Variants in MCM10 observed in about 807,000 individuals in gnomAD.
MCM10 encodes minichromosome maintenance 10 replication initiation factor, also known as protein MCM10 homolog.
In MCM10, 91 loss-of-function variants were observed where a neutral mutation model predicts 109.9. That is an observed-to-expected ratio of 0.83 (90% CI 0.70 to 0.99). The LOEUF is 0.99. MCM10 is among the 50% of genes least tolerant of loss of function. The probability of loss-of-function intolerance (pLI) is 0.00; values close to 1 mark genes in which losing one functional copy is unlikely to be tolerated. For synonymous variants in MCM10, 380 were observed against 387.2 expected (o/e 0.98, Z 0.22); for missense variants, 1,077 against 1,061.2 (o/e 1.01, Z -0.21).
rs78919077 is a variant in MCM10, at chr10:13,169,533, C to A, written c.8-1389C>A. On this transcript the variant is annotated intron_variant, in intron 2 of 19. Coordinates refer to ENST00000378714, the MANE Select transcript of MCM10 (RefSeq NM_018518.5). The stretch of plus-strand genomic sequence containing the variant: ...CAATTCCATTTCTGATAGATATTCC[C>A]AAGAAACACATGTGCGAGAAGACGG... Among the ~76,000 whole-genome samples, 221 of 152,208 alleles carry A rather than the reference C, an allele frequency of 1.5e-3. 4 individuals are homozygous for A. In the East Asian group the frequency reaches 0.036, roughly 25 times the overall value.
chr10:13,185,445 C>T (rs768553726), intron 8 of MCM10, among the ~76,000 whole-genome samples: 8 of 152,126 alleles, frequency 5.3e-5, no homozygotes, highest in Non-Finnish European at 1.2e-4. Context: ...CCATTCAAGG[C>T]AAGAAGTGAA....
intron 1 of MCM10, among the ~76,000 whole-genome samples, chr10:13,163,303 C>T (rs939804966): frequency 6.6e-6 from 1 of 152,144 alleles, no homozygotes; most frequent in Admixed American, 6.5e-5. Context: ...CACCACTGCA[C>T]TCCAGCCCCA....
At chr10:13,198,404 G>A (rs1834451192) in intron 15 of MCM10, among the ~76,000 whole-genome samples, 1 of 151,970 alleles carries the variant, frequency 6.6e-6, no homozygotes, top group Non-Finnish European at 1.5e-5. Flanking sequence ...TAACATAATT[G>A]TCAACATTAT....
At chr10:13,171,297 G>A (rs372152477) in intron 3 of MCM10, 34 bp downstream of exon 3, 3 of 1,531,578 alleles carry the variant, frequency 2.0e-6, no homozygotes, top group Non-Finnish European at 2.6e-6. Flanking sequence ...TATTTCTTTC[G>A]GATAAGTTGG....
chr10:13,195,091 C>G lies in MCM10; in HGVS notation c.1796C>G (p.Ser599Ter). 6.2e-7 allele frequency: 1 copy of G among 1,614,146 alleles called. No homozygotes were observed. Among genetic ancestry groups the G allele is most frequent in the East Asian group, 2.2e-5 (1 of 44,874 alleles). The change falls in exon 14 of 20, where the codon TCA becomes TGA. Residue 599 changes from serine (S) to a stop codon, truncating the protein, a stop_gained. Transcript: ENST00000378714. LOFTEE classifies it high-confidence loss of function. ...GAGAGCCCAGCTGTGCCATCTTCAT[C>G]AAGACAGCCCCCTGCTCAGCCTCCA... ...EVESPAVPSS[S>*]RQPPAQPPRT...
chr10:13,184,335 T>C (rs1388830377), intron 8 of MCM10, among the ~76,000 whole-genome samples: 1 of 152,146 alleles, frequency 6.6e-6, no homozygotes, highest in Non-Finnish European at 1.5e-5. Flanking sequence ...AAGAAAGCAG[T>C]GTTTTATAGT....
intron 16 of MCM10, among the ~76,000 whole-genome samples, chr10:13,200,615 C>T (rs937201433): frequency 6.6e-6 from 1 of 152,238 alleles, no homozygotes; most frequent in African/African-American, 2.4e-5. Flanking sequence ...CCAGGCCCTC[C>T]TGTCTGTGGA....
At chr10:13,183,878 G>C (rs939159168) in intron 8 of MCM10, among the ~76,000 whole-genome samples, 1 of 152,006 alleles carries the variant, frequency 6.6e-6, no homozygotes, top group African/African-American at 2.4e-5. Flanking sequence ...GTGTGTATGT[G>C]ATGGAGTTTC....
intron 8 of MCM10, among the ~76,000 whole-genome samples, chr10:13,183,655 A>C (rs1349048978): frequency 6.6e-6 from 1 of 151,820 alleles, no homozygotes; most frequent in African/African-American, 2.4e-5. Context: ...GGAGTTTTTG[A>C]ACTATTGTAC....
chr10:13,191,624 ACT>A (rs1370727283), intron 11 of MCM10, among the ~76,000 whole-genome samples: 2 of 152,082 alleles, frequency 1.3e-5, no homozygotes, highest in African/African-American at 4.8e-5. Context: ...TACAGCTCAT[ACT>A]CTTAAGTAAT....
chr10:13,189,185 T>A, intron 10 of MCM10, 105 bp downstream of exon 10: 5 of 1,234,698 alleles, frequency 4.0e-6, no homozygotes, highest in Non-Finnish European at 5.7e-6. Context: ...TGTACAGGTT[T>A]TATCTTTCAT....
chr10:13,174,966 T>TA (rs1226394607), intron 5 of MCM10, among the ~76,000 whole-genome samples: 1 of 151,688 alleles, frequency 6.6e-6, no homozygotes, highest in African/African-American at 2.4e-5. Flanking sequence ...CCATCCCTAC[T>TA]AAAAATACAA....
chr10:13,206,206 T>G (rs1397166435), intron 18 of MCM10, among the ~76,000 whole-genome samples: 1 of 152,186 alleles, frequency 6.6e-6, no homozygotes, highest in Non-Finnish European at 1.5e-5. Flanking sequence ...CTCGGCTCTG[T>G]GTTTGTAGGA....
At chr10:13,166,271 A>G (rs746815217) in intron 2 of MCM10, among the ~76,000 whole-genome samples, 1 of 152,146 alleles carries the variant, frequency 6.6e-6, no homozygotes, top group Non-Finnish European at 1.5e-5. Context: ...CAGGAGGGAA[A>G]GCAGAGAAGA....
At chr10:13,177,029 G>A (rs1021740423) in intron 6 of MCM10, among the ~76,000 whole-genome samples, 4 of 152,190 alleles carry the variant, frequency 2.6e-5, no homozygotes, top group African/African-American at 9.7e-5. Context: ...TGAGGGGGCT[G>A]CAGGCTTCCT....
At chr10:13,165,918 G>T (rs892570809) in intron 2 of MCM10, among the ~76,000 whole-genome samples, 3 of 149,104 alleles carry the variant, frequency 2.0e-5, no homozygotes, top group Non-Finnish European at 3.0e-5. Flanking sequence ...ATAATATTTA[G>T]TAAGAAAATC....
chr10:13,180,430 T>G lies in MCM10; in HGVS notation c.765-12T>G. ...AGAATCATAATTACTAATCGCTGGT[T>G]TCTTAACCCAGGCGGCCTCGAGTAT... is the stretch of plus-strand genomic sequence containing the variant. On this transcript the variant is annotated splice_polypyrimidine_tract_variant and intron_variant, in intron 6 of 19. Coordinates refer to ENST00000378714, the MANE Select transcript of MCM10 (RefSeq NM_018518.5). 6.2e-7 allele frequency: 1 copy of G among 1,604,104 alleles called. No homozygotes were observed. Among genetic ancestry groups the G allele is most frequent in the Non-Finnish European group, 8.5e-7 (1 of 1,176,048 alleles).
chr10:13,193,753 A>G (rs1434057474), intron 13 of MCM10, among the ~76,000 whole-genome samples: 1 of 152,108 alleles, frequency 6.6e-6, no homozygotes, highest in Non-Finnish European at 1.5e-5. Flanking sequence ...GTGGACACAG[A>G]AATATGTATG....
chr10:13,209,025 CA>C (rs900164202), intron 18 of MCM10, 65 bp from the exon 19 acceptor site: 2 of 1,119,700 alleles, frequency 1.8e-6, no homozygotes, highest in African/African-American at 3.1e-5. Context: ...GTGCAGTGAG[CA>C]CCGTCGTCTT....
Sources: allele counts gnomAD v4.1 joint callset (sites outside exome capture counted in the v4.1 genomes callset), GRCh38; gene constraint gnomAD v4.1.1; transcripts MANE v1.5; gene names NCBI Gene and HGNC (gene_info 2026-07-23, HGNC 2026-07-21).